The following PREX2 variants were observed in gnomAD, a reference collection of about 807,000 sequenced individuals.
The protein encoded by PREX2 is phosphatidylinositol-3,4,5-trisphosphate dependent Rac exchange factor 2, also known as phosphatidylinositol 3,4,5-trisphosphate-dependent Rac exchanger 2 protein.
In PREX2, 107 loss-of-function variants were observed where a neutral mutation model predicts 203.2. The observed-to-expected ratio is 0.53, with a 90% CI of 0.45 to 0.62. The LOEUF (loss-of-function observed/expected upper bound fraction) is 0.62, where lower values mean the gene tolerates loss of function less well. PREX2 is among the 20% of genes least tolerant of loss of function. The pLI is 0.00. For synonymous variants in PREX2, 672 were observed against 663.6 expected, an observed-to-expected ratio of 1.01 and a Z score of -0.19; for missense variants, 1,777 against 1,955.9, an observed-to-expected ratio of 0.91 and a Z score of 1.72.
chr8:68,053,347 G>C, intron 9 of PREX2, 101 bp downstream of exon 9: 1 of 1,240,132 alleles, frequency 8.1e-7, no homozygotes, highest in Non-Finnish European at 1.1e-6. Flanking sequence ...GTATATGATG[G>C]TCACTTGATT....
At chr8:68,010,733 G>C (rs1023636667) in intron 1 of PREX2, among the ~76,000 whole-genome samples, 45 of 152,194 alleles carry the variant, frequency 3.0e-4, no homozygotes, top group African/African-American at 1.0e-3. Flanking sequence ...GAGACATCCT[G>C]TATCTGTATG....
chr8:68,078,636 T>C (rs576245346), intron 15 of PREX2, among the ~76,000 whole-genome samples: 2 of 152,336 alleles, frequency 1.3e-5, no homozygotes, highest in African/African-American at 4.8e-5. Flanking sequence ...GGAAATTCCA[T>C]CCTGTTTCCC....
chr8:68,003,371 G>A (rs1189356370), intron 1 of PREX2, among the ~76,000 whole-genome samples: 1 of 149,774 alleles, frequency 6.7e-6, no homozygotes, highest in Non-Finnish European at 1.5e-5. Flanking sequence ...GACTCTTTCA[G>A]TATCTAAATA....
rs576320386 is a variant in PREX2, at chr8:68,194,429, T to A, written c.4604+1904T>A. ...TTGAATTAGCATTAATATCTAGATATTTTAATGCCAACCTGAATCAGATGG... is the reference window on the plus strand; with the variant it reads ...TTGAATTAGCATTAATATCTAGATAATTTAATGCCAACCTGAATCAGATGG... On this transcript the variant is annotated intron_variant, in intron 37 of 39. Transcript: ENST00000288368. Among the ~76,000 whole-genome samples the A allele has an allele frequency of 9.3e-4, 141 of 152,178 alleles. 1 individual carries two copies. The highest frequency in any genetic ancestry group is 1.6e-3 in the Non-Finnish European group (112 of 67,992).
At chr8:68,083,757 T>C (rs1005228378) in intron 18 of PREX2, among the ~76,000 whole-genome samples, 3 of 152,200 alleles carry the variant, frequency 2.0e-5, no homozygotes, top group African/African-American at 4.8e-5. Context: ...GATGATTAGA[T>C]ACCAGATACC....
At chr8:68,133,509 T>G (rs1811049183) in intron 31 of PREX2, among the ~76,000 whole-genome samples, 1 of 152,226 alleles carries the variant, frequency 6.6e-6, no homozygotes, top group Admixed American at 6.5e-5. Flanking sequence ...TCATGAAATT[T>G]AATAACTCCA....
rs900217349 is a variant in PREX2, at chr8:68,080,530, G to A, written c.1730G>A (p.Arg577Gln). The A allele has an allele frequency of 2.5e-6, 4 of 1,610,848 alleles. No individual in the cohort carries two copies. Among genetic ancestry groups the A allele is most frequent in the Non-Finnish European group, 2.5e-6 (3 of 1,177,590 alleles). ...ATGGAGGGATCAAATATGAAACATC[G>A]ACTTATGAAACATGACTTAAAAGTT... ...EEMEGSNMKHRLMKHDLKVVE... is the reference protein window; with the variant it reads ...EEMEGSNMKHQLMKHDLKVVE... Residue 577 changes from arginine (R) to glutamine (Q), a missense_variant, in exon 16 of 40, where the codon CGA (arginine) becomes CAA (glutamine). Transcript: ENST00000288368.
chr8:68,153,130 T>G (rs1466173816), intron 34 of PREX2, among the ~76,000 whole-genome samples: 1 of 152,212 alleles, frequency 6.6e-6, no homozygotes, highest in Non-Finnish European at 1.5e-5. Flanking sequence ...CAAATCTTGC[T>G]TCTCTCCCAA....
At chr8:68,038,362 A>G in intron 7 of PREX2, 70 bp downstream of exon 7, 4 of 1,503,912 alleles carry the variant, frequency 2.7e-6, no homozygotes, top group Non-Finnish European at 3.6e-6. Context: ...GCTTCCCAGA[A>G]CTCATCTATC....
chr8:68,147,138 G>A (rs760521891), intron 34 of PREX2, among the ~76,000 whole-genome samples: 1 of 152,040 alleles, frequency 6.6e-6, no homozygotes, highest in Non-Finnish European at 1.5e-5. Flanking sequence ...GATACCATAG[G>A]GAATTTTATT....
intron 1 of PREX2, among the ~76,000 whole-genome samples, chr8:67,962,555 T>A (rs1487453237): frequency 6.6e-6 from 1 of 151,282 alleles, no homozygotes; most frequent in Non-Finnish European, 1.5e-5. Flanking sequence ...CTATGTCAAA[T>A]TTGGCTTTCT....
intron 1 of PREX2, among the ~76,000 whole-genome samples, chr8:68,005,116 A>T (rs192426081): frequency 6.6e-6 from 1 of 152,202 alleles, no homozygotes; most frequent in East Asian, 1.9e-4. Context: ...TGTTTCCTTC[A>T]ACCCTGTCCT....
chr8:67,978,953 T>C (rs1407248133), intron 1 of PREX2, among the ~76,000 whole-genome samples: 1 of 152,224 alleles, frequency 6.6e-6, no homozygotes, highest in Admixed American at 6.5e-5. Flanking sequence ...AAATTAATCA[T>C]GCACTTTACA....
chr8:67,991,654 C>A (rs1236387706), intron 1 of PREX2, among the ~76,000 whole-genome samples: 1 of 152,126 alleles, frequency 6.6e-6, no homozygotes, highest in African/African-American at 2.4e-5. Flanking sequence ...CTGGTCTCTC[C>A]CTTGACACGT....
chr8:68,055,037 T>G (rs1287688634), intron 9 of PREX2, among the ~76,000 whole-genome samples: 2 of 152,260 alleles, frequency 1.3e-5, no homozygotes, highest in Non-Finnish European at 2.9e-5. Flanking sequence ...TGAACTTGTT[T>G]GAACTTTTGA....
chr8:68,027,352 A>G (rs1807757167), intron 5 of PREX2, 29 bp downstream of exon 5: 1 of 1,290,512 alleles, frequency 7.7e-7, no homozygotes, highest in Admixed American at 1.7e-5. Context: ...CATTGTAGCC[A>G]TTTTCTTGTA....
chr8:68,156,014 A>T (rs1033679938), intron 34 of PREX2, among the ~76,000 whole-genome samples: 2 of 152,170 alleles, frequency 1.3e-5, no homozygotes, highest in Non-Finnish European at 1.5e-5. Flanking sequence ...GTGAATATGC[A>T]TGGGGAGTGA....
intron 35 of PREX2, among the ~76,000 whole-genome samples, chr8:68,162,223 A>G (rs989946567): frequency 2.0e-5 from 3 of 152,038 alleles, no homozygotes; most frequent in Non-Finnish European, 4.4e-5. Flanking sequence ...AAACCTAAAA[A>G]GTAAGTAATT....
intron 1 of PREX2, among the ~76,000 whole-genome samples, chr8:67,962,906 C>T (rs1296595076): frequency 6.6e-6 from 1 of 151,958 alleles, no homozygotes; most frequent in African/African-American, 2.4e-5. Context: ...CCATGCCTGG[C>T]CAATTTTATA....
Sources: allele counts gnomAD v4.1 joint callset (sites outside exome capture counted in the v4.1 genomes callset), GRCh38; gene constraint gnomAD v4.1.1; transcripts MANE v1.5; gene names NCBI Gene and HGNC (gene_info 2026-07-23, HGNC 2026-07-21).